Variants in SMIM14 observed in about 807,000 individuals in gnomAD.
The protein encoded by SMIM14 is small integral membrane protein 14.
Under a neutral mutation model 12.6 loss-of-function variants are expected in SMIM14, and 5 were observed. That is an observed-to-expected ratio of 0.40 (90% confidence interval 0.21 to 0.83). The LOEUF is 0.83. SMIM14 is among the 40% of genes least tolerant of loss of function. The pLI, the probability that SMIM14 is intolerant of heterozygous loss-of-function variation, is 0.37. For missense variants in SMIM14, 86 were observed against 119.1 expected (o/e 0.72, Z 1.29); for synonymous variants, 30 against 40.1 (o/e 0.75, Z 0.95).
At chr4:39,631,433 C>A (rs956774020) in intron 1 of SMIM14, among the ~76,000 whole-genome samples, 3 of 151,472 alleles carry the variant, frequency 2.0e-5, no homozygotes, top group Admixed American at 1.3e-4. Flanking sequence ...CCAAGGCGGG[C>A]GGATCACGAG....
intron 1 of SMIM14, among the ~76,000 whole-genome samples, chr4:39,628,755 C>T (rs1165356794): frequency 2.7e-5 from 4 of 147,472 alleles, no homozygotes; most frequent in Non-Finnish European, 4.5e-5. Context: ...TTTTTTGAGC[C>T]GGAGTCTCCC....
intron 1 of SMIM14, among the ~76,000 whole-genome samples, chr4:39,622,208 C>G (rs112822546): frequency 1.3e-5 from 2 of 151,158 alleles, no homozygotes; most frequent in Non-Finnish European, 1.5e-5. Context: ...CTCAGCCTCC[C>G]GAGTAGCTGG....
At position 39,597,084 on chromosome 4, in the gene SMIM14, C is replaced by CTTTTTTTTTTTT. The variant is rs1436675514; in HGVS notation, c.75+7986_75+7987insAAAAAAAAAAAA. Among the ~76,000 whole-genome samples the CTTTTTTTTTTTT allele has an allele frequency of 2.3e-5, 3 of 133,258 alleles. 1 individual carries two copies. Among genetic ancestry groups the CTTTTTTTTTTTT allele is most frequent in the African/African-American group, 5.7e-5 (2 of 35,348 alleles). The allele number at this position is 133,258 out of a possible 152,430, so 87.4% of individuals were successfully genotyped here. On this transcript the variant is annotated intron_variant, in intron 2 of 4. Coordinates refer to ENST00000295958, the MANE Select transcript of SMIM14 (RefSeq NM_174921.3). ...AGCCACGGTGCCCGGCCCAGGTTTCCCTTTTTTTTTTTTTTTTTTTTTAGC... is the reference window on the plus strand; with the variant it reads ...AGCCACGGTGCCCGGCCCAGGTTTCCTTTTTTTTTTTTCTTTTTTTTTTTTTTTTTTTTTAGC...
chr4:39,597,607 C>A (rs1299258721), intron 2 of SMIM14, among the ~76,000 whole-genome samples: 1 of 151,922 alleles, frequency 6.6e-6, no homozygotes, highest in East Asian at 1.9e-4. Flanking sequence ...CCACACCCAG[C>A]TAATTTTTGT....
intron 2 of SMIM14, among the ~76,000 whole-genome samples, chr4:39,590,476 A>T (rs1480261245): frequency 2.0e-5 from 3 of 151,120 alleles, no homozygotes; most frequent in Admixed American, 6.6e-5. Flanking sequence ...TTCTATACAT[A>T]TACTAGTATT....
In SMIM14 at chr4:39,624,040, C is replaced by G. The variant is rs186662912; in HGVS notation, c.-36+14699G>C. On this transcript the variant is annotated intron_variant, in intron 1 of 4. Coordinates refer to ENST00000295958, the MANE Select transcript of SMIM14 (RefSeq NM_174921.3). ...AGATACTGGTCAATGAAATGGGAGGCCAGAGGAAGCATTCTATGCATTTTT... is the reference window on the plus strand; with the variant it reads ...AGATACTGGTCAATGAAATGGGAGGGCAGAGGAAGCATTCTATGCATTTTT... Among the ~76,000 whole-genome samples, 23 of 152,194 alleles carry G rather than the reference C, an allele frequency of 1.5e-4. No individual in the cohort carries two copies. The East Asian group carries it at 4.0e-3, about 27-fold the overall frequency.
intron 2 of SMIM14, among the ~76,000 whole-genome samples, chr4:39,590,233 G>A (rs898735609): frequency 2.0e-5 from 3 of 151,740 alleles, no homozygotes; most frequent in African/African-American, 4.8e-5. Context: ...GACCAACATG[G>A]TGAAATCCCG....
chr4:39,585,850 CAA>C (rs1407640526), intron 2 of SMIM14, among the ~76,000 whole-genome samples: 2 of 152,116 alleles, frequency 1.3e-5, no homozygotes, highest in African/African-American at 4.8e-5. Flanking sequence ...CCTTTGAAAC[CAA>C]AGAGGCAGCC....
intron 1 of SMIM14, among the ~76,000 whole-genome samples, chr4:39,619,604 CTA>C (rs1228914264): frequency 5.3e-5 from 4 of 75,052 alleles, no homozygotes; most frequent in Non-Finnish European, 6.7e-5. Flanking sequence ...ATAATTTATT[CTA>C]TATATCAATA....
intron 1 of SMIM14, among the ~76,000 whole-genome samples, chr4:39,628,306 C>CAAA (rs1212530043): frequency 1.4e-5 from 1 of 70,306 alleles, no homozygotes; most frequent in African/African-American, 5.5e-5. Context: ...GACTCCATCA[C>CAAA]AAAAAAAAAA....
intron 1 of SMIM14, among the ~76,000 whole-genome samples, chr4:39,624,827 A>AC (rs1715629516): frequency 6.6e-6 from 1 of 151,238 alleles, no homozygotes; most frequent in Admixed American, 6.6e-5. Context: ...AAAAAAAAAA[A>AC]AAAAAAACTT....
At chr4:39,619,860 T>TTA (rs1163098013) in intron 1 of SMIM14, among the ~76,000 whole-genome samples, 12,978 of 110,856 alleles carry the variant, frequency 0.12, 1,004 homozygotes, top group South Asian at 0.15. Context: ...TTATATATAT[T>TTA]TATATATATA....
At chr4:39,563,022 A>G (rs1408423819) in intron 3 of SMIM14, among the ~76,000 whole-genome samples, 1 of 151,956 alleles carries the variant, frequency 6.6e-6, no homozygotes, top group Non-Finnish European at 1.5e-5. Context: ...CACTTCTCAG[A>G]AAATGCATCC....
At chr4:39,611,243 C>T (rs1450587699) in intron 1 of SMIM14, among the ~76,000 whole-genome samples, 4 of 152,178 alleles carry the variant, frequency 2.6e-5, no homozygotes, top group African/African-American at 7.2e-5. Context: ...CGGTGGCTCA[C>T]GCCTATAATC....
intron 1 of SMIM14, among the ~76,000 whole-genome samples, chr4:39,622,218 G>A (rs1715526067): frequency 6.6e-6 from 1 of 151,130 alleles, no homozygotes; most frequent in Non-Finnish European, 1.5e-5. Context: ...CGAGTAGCTG[G>A]GACTACAGGC....
chr4:39,583,425 C>T (rs764721940), intron 2 of SMIM14, among the ~76,000 whole-genome samples: 1 of 151,892 alleles, frequency 6.6e-6, no homozygotes, highest in Non-Finnish European at 1.5e-5. Context: ...TTAAGTATTC[C>T]GATAATCAGC....
chr4:39,597,084 C>CTTTTTTTTTTTTTT (rs1436675514), intron 2 of SMIM14, among the ~76,000 whole-genome samples: 1 of 133,258 alleles, frequency 7.5e-6, no homozygotes, highest in Non-Finnish European at 1.6e-5. Flanking sequence ...CCCAGGTTTC[C>CTTTTTTTTTTTTTT]CTTTTTTTTT....
chr4:39,561,889 T>C (rs1407187042), intron 3 of SMIM14, among the ~76,000 whole-genome samples: 1 of 151,976 alleles, frequency 6.6e-6, no homozygotes, highest in Non-Finnish European at 1.5e-5. Flanking sequence ...GCCGAGATCG[T>C]GCCACTGCAC....
chr4:39,563,765 C>T (rs1712438090), intron 3 of SMIM14, among the ~76,000 whole-genome samples: 1 of 152,156 alleles, frequency 6.6e-6, no homozygotes, highest in Non-Finnish European at 1.5e-5. Flanking sequence ...GGTTTCCCGT[C>T]TCTCCTAATT....
Sources: gnomAD v4.1 joint callset for allele counts (sites outside exome capture counted in the v4.1 genomes callset) on GRCh38, gnomAD v4.1.1 for gene constraint, MANE v1.5 for transcripts, NCBI Gene and HGNC (gene_info 2026-07-23, HGNC 2026-07-21) for gene names.